Variants in LHPP observed in about 807,000 individuals in gnomAD.
The protein encoded by LHPP is phospholysine phosphohistidine inorganic pyrophosphate phosphatase.
A neutral mutation model predicts 30.3 loss-of-function variants in LHPP; 24 were observed. That is an observed-to-expected ratio of 0.79 (90% CI 0.57 to 1.11). The LOEUF (loss-of-function observed/expected upper bound fraction) is 1.11, where lower values mean the gene tolerates loss of function less well. Ranked by LOEUF, LHPP falls within the 50% of genes most tolerant of loss-of-function variation. LHPP has a pLI of 0.00. For missense variants in LHPP, 356 were observed against 367.2 expected (o/e 0.97, Z 0.25); for synonymous variants, 150 against 157.1 (o/e 0.95, Z 0.34).
chr10:124,507,956 G>T (rs1359800056), intron 5 of LHPP, among the ~76,000 whole-genome samples: 1 of 149,654 alleles, frequency 6.7e-6, no homozygotes, highest in Non-Finnish European at 1.5e-5. Context: ...GATCTTCATG[G>T]CTCGCACCCT....
chr10:124,575,764 C>T (rs1948650024), intron 6 of LHPP, among the ~76,000 whole-genome samples: 1 of 152,312 alleles, frequency 6.6e-6, no homozygotes. Flanking sequence ...GTGTCCCCTG[C>T]ACTCTCACCA....
intron 6 of LHPP, among the ~76,000 whole-genome samples, chr10:124,563,773 A>G (rs1479413650): frequency 1.3e-5 from 2 of 152,232 alleles, no homozygotes; most frequent in African/African-American, 4.8e-5. Flanking sequence ...AGCAACCCAG[A>G]ATGCCTATGA....
chr10:124,558,539 A>G (rs1948340541), intron 6 of LHPP, among the ~76,000 whole-genome samples: 1 of 152,174 alleles, frequency 6.6e-6, no homozygotes, highest in African/African-American at 2.4e-5. Flanking sequence ...TCGCTGGTTC[A>G]GAAGCCAGAA....
chr10:124,565,584 A>G (rs1448876521), intron 6 of LHPP, among the ~76,000 whole-genome samples: 1 of 152,204 alleles, frequency 6.6e-6, no homozygotes, highest in Non-Finnish European at 1.5e-5. Flanking sequence ...TAAGGGACGC[A>G]CTGGGGAGGA....
At chr10:124,472,515 G>C (rs1161491026) in intron 1 of LHPP, among the ~76,000 whole-genome samples, 1 of 151,586 alleles carries the variant, frequency 6.6e-6, no homozygotes, top group Non-Finnish European at 1.5e-5. Context: ...TATGAGTGCT[G>C]TATATACCAA....
At chr10:124,469,793 G>A (rs1952674035) in intron 1 of LHPP, among the ~76,000 whole-genome samples, 1 of 152,210 alleles carries the variant, frequency 6.6e-6, no homozygotes. Flanking sequence ...GGGACCAGCA[G>A]GCGACAGCGT....
Position 124,506,619 on chromosome 10 carries a change from C to T in LHPP, c.624+8491C>T, listed in dbSNP as rs191583560. The stretch of plus-strand genomic sequence containing the variant: ...TAGCCCAACTCTCAGGGAGGACCAG[C>T]GGTGCAGCAGAATTTCTTAGGGAGG... On this transcript the variant is annotated intron_variant, in intron 5 of 6. Transcript: ENST00000368842. 5.2e-3 allele frequency among the ~76,000 whole-genome samples: 740 copies of T among 141,564 alleles called. 3 individuals are homozygous for T. The highest frequency in any genetic ancestry group is 7.6e-3 in the Non-Finnish European group (507 of 66,426). 92.9% of individuals were successfully genotyped at this position (141,564 alleles called of 152,430 possible).
In LHPP at chr10:124,541,690, G is replaced by C. The variant is rs1460402190; in HGVS notation, c.716+24419G>C. Among the ~76,000 whole-genome samples the C allele has an allele frequency of 6.6e-6, 1 of 152,190 alleles. No individual in the cohort carries two copies. The highest frequency in any genetic ancestry group is 2.4e-5 in the African/African-American group (1 of 41,446). ...GGCCCTGGAGGGCTTCTGTGGGTGG[G>C]AGTTCCCATGACGTCATCCCTCAGT... On this transcript the variant is annotated intron_variant, in intron 6 of 6. Transcript: ENST00000368842. This position sits in a 1 kb window ranked among gnomAD's most constrained non-coding sequence, Gnocchi z 4.2.
intron 6 of LHPP, among the ~76,000 whole-genome samples, chr10:124,550,729 C>T (rs983549922): frequency 1.3e-5 from 2 of 152,196 alleles, no homozygotes; most frequent in African/African-American, 2.4e-5. Flanking sequence ...CTCCAGGCGG[C>T]GATTCCGGAA....
Position 124,543,576 on chromosome 10 carries a change from C to T in LHPP, c.716+26305C>T, listed in dbSNP as rs192679916. On this transcript the variant is annotated intron_variant, in intron 6 of 6. Coordinates refer to ENST00000368842, the MANE Select transcript of LHPP (RefSeq NM_022126.4). ...CTTCTAGGTTGCCAGGGCCACTAGCCGTGAGGAGTTCAGCTGCCCATGGTG... is the reference window on the plus strand; with the variant it reads ...CTTCTAGGTTGCCAGGGCCACTAGCTGTGAGGAGTTCAGCTGCCCATGGTG... Among the ~76,000 whole-genome samples the T allele has an allele frequency of 6.5e-4, 93 of 143,256 alleles. No homozygotes were observed. The East Asian group carries it at 0.017, about 26-fold the overall frequency. The allele number at this position is 143,256 out of a possible 152,430, so 94.0% of individuals were successfully genotyped here. A position where few individuals can be genotyped will look rare whatever the true frequency, so the allele number is the denominator to read the frequency against.
intron 6 of LHPP, chr10:124,605,322 TGGG>T (rs3832701): frequency 1.3e-5 from 2 of 151,982 alleles, no homozygotes; most frequent in Non-Finnish European, 1.5e-5. Context: ...GTCAGGCCTG[TGGG>T]GGGGACCACC....
chr10:124,528,565 G>T (rs1954804391), intron 6 of LHPP, among the ~76,000 whole-genome samples: 1 of 152,178 alleles, frequency 6.6e-6, no homozygotes, highest in South Asian at 2.1e-4. Flanking sequence ...CGCCATGTTG[G>T]CCAGGCTGGT....
At position 124,488,572 on chromosome 10, in the gene LHPP, A is replaced by G. The variant is rs1453883024; in HGVS notation, c.464A>G (p.Lys155Arg). 6 of 1,609,774 alleles carry G rather than the reference A, an allele frequency of 3.7e-6. No homozygotes were observed. The highest frequency in any genetic ancestry group is 1.1e-5 in the South Asian group (1 of 90,380). Residue 155 changes from lysine to arginine, a missense_variant, in exon 3 of 7, where the codon AAA (lysine) becomes AGA (arginine). Transcript: ENST00000368842. ...LEKPVLISLG[K>R]GRYYKETSGL... The stretch of plus-strand genomic sequence containing the variant: ...AAACCTGTGCTCATATCACTGGGAA[A>G]AGGGTAAGTTGGCTCCAGGGAGAGT...
At position 124,481,847 on chromosome 10, in the gene LHPP, C is replaced by T. The variant is rs531430747; in HGVS notation, c.126-2292C>T. ...CCACCACCTGGCCTGCCCTTTCCTG[C>T]CATCTCCTTGTCCGTCCCTCAGGTC... On this transcript the variant is annotated intron_variant, in intron 1 of 6. Coordinates refer to ENST00000368842, the MANE Select transcript of LHPP (RefSeq NM_022126.4). 2.0e-5 allele frequency among the ~76,000 whole-genome samples: 3 copies of T among 152,314 alleles called. No individual in the cohort carries two copies. In the South Asian group the frequency reaches 6.2e-4, roughly 32 times the overall value.
chr10:124,513,790 TAA>T (rs113227798), intron 5 of LHPP, among the ~76,000 whole-genome samples: 5 of 143,914 alleles, frequency 3.5e-5, no homozygotes, highest in Non-Finnish European at 4.6e-5. Context: ...TTATTTATAT[TAA>T]AAAAAAAAAA....
intron 6 of LHPP, among the ~76,000 whole-genome samples, chr10:124,527,672 C>T (rs565086572): frequency 6.6e-6 from 1 of 152,342 alleles, no homozygotes; most frequent in South Asian, 2.1e-4. Context: ...AGGGGGAGTC[C>T]AGCTGCCCGG....
chr10:124,482,467 C>T (rs972469514), intron 1 of LHPP, among the ~76,000 whole-genome samples: 1 of 152,224 alleles, frequency 6.6e-6, no homozygotes, highest in African/African-American at 2.4e-5. Context: ...CCTCCCGGCC[C>T]TTGGGCTTGC....
chr10:124,504,439 C>CAA (rs36071785), intron 5 of LHPP, among the ~76,000 whole-genome samples: 67,438 of 128,660 alleles, frequency 0.52, 18,201 homozygotes, highest in South Asian at 0.68. Context: ...AGAAAAAATG[C>CAA]AAAAAAAAAA....
chr10:124,465,247 G>A (rs773502031), intron 1 of LHPP, among the ~76,000 whole-genome samples: 5 of 152,138 alleles, frequency 3.3e-5, no homozygotes, highest in African/African-American at 1.2e-4. Flanking sequence ...AAGACCTCAG[G>A]AAGAGAGCAC....
Sources: allele counts gnomAD v4.1 joint callset (sites outside exome capture counted in the v4.1 genomes callset), GRCh38; gene constraint gnomAD v4.1.1; non-coding constraint Gnocchi (gnomAD v3.1); transcripts MANE v1.5; gene names NCBI Gene and HGNC (gene_info 2026-07-23, HGNC 2026-07-21).